Variants in UGT1A10 observed in about 807,000 individuals in gnomAD.
UGT1A10 encodes the protein UDP glucuronosyltransferase family 1 member A10.
UGT1A10 carries 49 observed loss-of-function variants against 45.8 expected under a neutral mutation model. The observed-to-expected ratio is 1.07, with a 90% CI of 0.85 to 1.36. UGT1A10 has a LOEUF of 1.36. Ranked by LOEUF, UGT1A10 falls within the 40% of genes most tolerant of loss-of-function variation. The probability of loss-of-function intolerance (pLI) is 0.00; values close to 1 mark genes in which losing one functional copy is unlikely to be tolerated. For missense variants in UGT1A10, 745 were observed against 668.6 expected (o/e 1.11, Z -1.26); for synonymous variants, 284 against 249.7 (o/e 1.14, Z -1.29).
intron 1 of UGT1A10, among the ~76,000 whole-genome samples, chr2:233,647,424 C>G (rs17862848): frequency 0.042 from 6,421 of 152,250 alleles, 159 homozygotes; most frequent in Non-Finnish European, 0.061. Flanking sequence ...CATTTCACAT[C>G]CTTCTGTTTT....
Position 233,729,669 on chromosome 2 carries a change from C to G in UGT1A10, c.856-37365C>G, listed in dbSNP as rs1433524187. ...TGAGGAACATTCCATGTGATTTAGA[C>G]TTTAAGGGCACACAGTGTCCAAACC... On this transcript the variant is annotated intron_variant, in intron 1 of 4. Coordinates refer to ENST00000344644, the MANE Select transcript of UGT1A10 (RefSeq NM_019075.4). 47 of 1,613,792 alleles carry G rather than the reference C, an allele frequency of 2.9e-5. No individual in the cohort carries two copies. Among genetic ancestry groups the G allele is most frequent in the Non-Finnish European group, 3.7e-5 (44 of 1,179,864 alleles).
intron 1 of UGT1A10, chr2:233,713,566 C>T: frequency 6.2e-7 from 1 of 1,613,980 alleles, no homozygotes; most frequent in Non-Finnish European, 8.5e-7. Flanking sequence ...AACCCTTCCT[C>T]CTATATTCCT....
intron 1 of UGT1A10, among the ~76,000 whole-genome samples, chr2:233,758,427 TCA>T (rs1169945627): frequency 6.6e-6 from 1 of 152,228 alleles, no homozygotes; most frequent in Non-Finnish European, 1.5e-5. Context: ...GCAAATGAAC[TCA>T]CACAGCATTG....
In UGT1A10 at chr2:233,731,246, C is replaced by T. The variant is rs139669566; in HGVS notation, c.856-35788C>T. Among the ~76,000 whole-genome samples, 684 of 150,450 alleles carry T rather than the reference C, an allele frequency of 4.5e-3. 5 individuals carry two copies. The highest frequency in any genetic ancestry group is 0.016 in the African/African-American group (645 of 41,062). On this transcript the variant is annotated intron_variant, in intron 1 of 4. Coordinates refer to ENST00000344644, the MANE Select transcript of UGT1A10 (RefSeq NM_019075.4). ...GTAAAAATGTTGAAAAGTGGGATGG[C>T]ATTTAAATAGTGACTGTTGCCCTTC... is the stretch of plus-strand genomic sequence containing the variant.
At chr2:233,734,972 G>C (rs1474652770) in intron 1 of UGT1A10, among the ~76,000 whole-genome samples, 2 of 152,238 alleles carry the variant, frequency 1.3e-5, no homozygotes, top group East Asian at 1.9e-4. Context: ...ATGTGGTGCT[G>C]AGAAGAATGT....
At chr2:233,663,187 C>T (rs2074009677) in intron 1 of UGT1A10, among the ~76,000 whole-genome samples, 1 of 152,122 alleles carries the variant, frequency 6.6e-6, no homozygotes. Flanking sequence ...ATTCACCTTG[C>T]CTGCTGCCTA....
At chr2:233,747,373 G>C in intron 1 of UGT1A10, 1 of 1,604,624 alleles carries the variant, frequency 6.2e-7, no homozygotes, top group South Asian at 1.1e-5. Flanking sequence ...CTCCATGCCA[G>C]AGGCCACCAG....
intron 1 of UGT1A10, among the ~76,000 whole-genome samples, chr2:233,757,567 T>TATATATATATATATATATA (rs1553619947): frequency 7.0e-6 from 1 of 142,920 alleles, no homozygotes; most frequent in Non-Finnish European, 1.5e-5. Flanking sequence ...TATATGTATA[T>TATATATATATATATATATA]ATGATATAGC....
intron 1 of UGT1A10, among the ~76,000 whole-genome samples, chr2:233,639,630 G>T (rs1305633711): frequency 6.6e-6 from 1 of 152,168 alleles, no homozygotes; most frequent in African/African-American, 2.4e-5. Context: ...GTGTGTTTGC[G>T]TGCAGTGTCC....
chr2:233,743,960 G>C (rs745723342), intron 1 of UGT1A10: 11 of 1,334,214 alleles, frequency 8.2e-6, no homozygotes, highest in Non-Finnish European at 1.1e-5. Flanking sequence ...CACAGCGAGC[G>C]GCAAGGCTGC....
intron 1 of UGT1A10, among the ~76,000 whole-genome samples, chr2:233,700,149 G>T (rs142795640): frequency 4.4e-3 from 670 of 152,290 alleles, no homozygotes; most frequent in Non-Finnish European, 7.9e-3. Context: ...TCTCCCTATA[G>T]GGGTCTTTAC....
intron 1 of UGT1A10, among the ~76,000 whole-genome samples, chr2:233,645,994 T>C (rs776519483): frequency 1.3e-5 from 2 of 152,222 alleles, no homozygotes; most frequent in Non-Finnish European, 2.9e-5. Context: ...CAAACTTCTT[T>C]CTGGACATCC....
chr2:233,731,166 G>T (rs1000792478), intron 1 of UGT1A10, among the ~76,000 whole-genome samples: 13 of 151,756 alleles, frequency 8.6e-5, no homozygotes, highest in Admixed American at 3.3e-4. Flanking sequence ...CAAACGACAT[G>T]ATTTTTTTAT....
At chr2:233,674,708 A>C (rs548568132) in intron 1 of UGT1A10, among the ~76,000 whole-genome samples, 1 of 152,288 alleles carries the variant, frequency 6.6e-6, no homozygotes, top group African/African-American at 2.4e-5. Flanking sequence ...GATGTATGAA[A>C]GTTTTTATAC....
chr2:233,646,453 C>G (rs1265807927), intron 1 of UGT1A10, among the ~76,000 whole-genome samples: 2 of 152,170 alleles, frequency 1.3e-5, no homozygotes, highest in East Asian at 1.9e-4. Flanking sequence ...ATTTTCCAAA[C>G]CTTTATGCTC....
intron 1 of UGT1A10, among the ~76,000 whole-genome samples, chr2:233,735,346 T>C (rs559111340): frequency 6.6e-6 from 1 of 152,212 alleles, no homozygotes; most frequent in Non-Finnish European, 1.5e-5. Flanking sequence ...GCTTTTTTTT[T>C]GCTTTCCATT....
intron 1 of UGT1A10, among the ~76,000 whole-genome samples, chr2:233,705,949 T>A (rs1472932510): frequency 6.6e-6 from 1 of 151,962 alleles, no homozygotes; most frequent in Non-Finnish European, 1.5e-5. Context: ...ATTAGCTGGG[T>A]GTGGAGGTGC....
At chr2:233,721,874 C>G in intron 1 of UGT1A10, 5 of 497,190 alleles carry the variant, frequency 1.0e-5, no homozygotes, top group South Asian at 7.3e-5. Context: ...GGCACACTTG[C>G]CAGCCCCTCC....
chr2:233,757,550 A>ATATATATATATATATATAT (rs1696620678), intron 1 of UGT1A10, among the ~76,000 whole-genome samples: 1 of 129,576 alleles, frequency 7.7e-6, no homozygotes, highest in Non-Finnish European at 1.6e-5. Context: ...ATATATATAT[A>ATATATATATATATATATAT]TATATATATA....
Sources: allele counts gnomAD v4.1 joint callset (sites outside exome capture counted in the v4.1 genomes callset), GRCh38; gene constraint gnomAD v4.1.1; transcripts MANE v1.5; gene names NCBI Gene and HGNC (gene_info 2026-07-23, HGNC 2026-07-21).